Variants in AOPEP observed in about 807,000 individuals in gnomAD.
AOPEP encodes the protein aminopeptidase O (putative), also known as aminopeptidase O.
In AOPEP, 77 loss-of-function variants were observed where a neutral mutation model predicts 98.1. That is an observed-to-expected ratio of 0.78 (90% confidence interval 0.65 to 0.95). AOPEP has a LOEUF of 0.95. Ranked by LOEUF, AOPEP falls within the 40% of genes least tolerant of loss-of-function variation. The pLI is 0.00. For missense variants in AOPEP, 1,024 were observed against 1,024.7 expected, an observed-to-expected ratio of 1.00 and a Z score of 0.01; for synonymous variants, 346 against 365.3, an observed-to-expected ratio of 0.95 and a Z score of 0.60.
chr9:94,912,641 G>A (rs1275906409), intron 5 of AOPEP, among the ~76,000 whole-genome samples: 1 of 152,170 alleles, frequency 6.6e-6, no homozygotes, highest in Non-Finnish European at 1.5e-5. Flanking sequence ...TTCCCATGCT[G>A]CCTTAACAGC....
At chr9:95,064,168 G>C (rs1220754005) in intron 14 of AOPEP, among the ~76,000 whole-genome samples, 3 of 152,234 alleles carry the variant, frequency 2.0e-5, no homozygotes, top group East Asian at 3.9e-4. Flanking sequence ...TTCCAGGATA[G>C]AAAGGAAACT....
chr9:95,129,064 G>A, the AOPEP span, among the ~76,000 whole-genome samples: 2 of 151,896 alleles, frequency 1.3e-5, no homozygotes, highest in Non-Finnish European at 2.9e-5. Context: ...CACCACACCT[G>A]GCTAATTTTT....
the AOPEP span, among the ~76,000 whole-genome samples, chr9:95,139,132 G>A: frequency 4.6e-5 from 7 of 152,184 alleles, no homozygotes; most frequent in Non-Finnish European, 1.0e-4. Flanking sequence ...TCTGAACCAG[G>A]CTGGCTTTAA....
intron 5 of AOPEP, among the ~76,000 whole-genome samples, chr9:94,805,301 C>A (rs896555801): frequency 6.6e-6 from 1 of 152,030 alleles, no homozygotes; most frequent in Non-Finnish European, 1.5e-5. Context: ...ACACCTGGCA[C>A]CCAGACGGGC....
At chr9:95,127,206 G>A in the AOPEP span, 1 of 152,972 alleles carries the variant, frequency 6.5e-6, no homozygotes, top group Non-Finnish European at 1.5e-5. Flanking sequence ...TGAGTCTGCA[G>A]AAGCTGGCCT....
the AOPEP span, among the ~76,000 whole-genome samples, chr9:95,095,291 C>CT: frequency 1.3e-5 from 2 of 152,174 alleles, no homozygotes; most frequent in African/African-American, 2.4e-5. Context: ...GTTCCGCACT[C>CT]TGTCATCAGC....
At chr9:95,029,435 T>C (rs2064114471) in intron 13 of AOPEP, among the ~76,000 whole-genome samples, 1 of 152,078 alleles carries the variant, frequency 6.6e-6, no homozygotes, top group African/African-American at 2.4e-5. Flanking sequence ...CTCAGTAGGG[T>C]AAAGTTACTC....
At chr9:95,082,964 C>A in intron 16 of AOPEP, 1 of 505,608 alleles carries the variant, frequency 2.0e-6, no homozygotes, top group Non-Finnish European at 3.6e-6. Context: ...CACCTGGAGG[C>A]ACAGCGGCAC....
the AOPEP span, chr9:95,098,948 T>C: frequency 1.2e-5 from 2 of 173,200 alleles, no homozygotes; most frequent in Non-Finnish European, 2.5e-5. Context: ...CCTCGGTCTC[T>C]TCCAGGGCAC....
chr9:94,763,586 T>TA (rs1313157297), intron 2 of AOPEP, among the ~76,000 whole-genome samples: 1 of 152,182 alleles, frequency 6.6e-6, no homozygotes, highest in Non-Finnish European at 1.5e-5. Context: ...TAGTTTCTGA[T>TA]ACCATTTTCC....
intron 13 of AOPEP, among the ~76,000 whole-genome samples, chr9:95,026,366 C>T (rs765569040): frequency 1.8e-4 from 28 of 152,230 alleles, no homozygotes; most frequent in Non-Finnish European, 2.9e-4. Context: ...CCCCTCTCCT[C>T]ATCCCTAGGC....
At chr9:94,803,771 C>A (rs1415174530) in intron 5 of AOPEP, among the ~76,000 whole-genome samples, 2 of 152,172 alleles carry the variant, frequency 1.3e-5, no homozygotes, top group Non-Finnish European at 2.9e-5. Context: ...GGTCCTTTTC[C>A]AAATCACTGT....
chr9:95,110,584 A>T, the AOPEP span: 1 of 1,035,370 alleles, frequency 9.7e-7, no homozygotes, highest in Non-Finnish European at 1.2e-6. Flanking sequence ...AAAATCTAAA[A>T]CTATTTTTCT....
chr9:94,775,029 CT>C (rs1473558402), intron 3 of AOPEP, among the ~76,000 whole-genome samples: 3 of 151,896 alleles, frequency 2.0e-5, no homozygotes, highest in African/African-American at 7.3e-5. Flanking sequence ...TTTATTGGCT[CT>C]TTAAAAAAAG....
intron 5 of AOPEP, among the ~76,000 whole-genome samples, chr9:94,841,649 G>A (rs956489105): frequency 2.0e-5 from 3 of 152,128 alleles, no homozygotes; most frequent in South Asian, 2.1e-4. Context: ...ATTCACTTAC[G>A]TCAAAGGACA....
At chr9:95,142,216 T>C in the AOPEP span, among the ~76,000 whole-genome samples, 1 of 151,938 alleles carries the variant, frequency 6.6e-6, no homozygotes, top group African/African-American at 2.4e-5. Context: ...TGGTCTTAAA[T>C]TCCTGACCTC....
At chr9:94,827,442 ATG>A (rs1854886790) in intron 5 of AOPEP, among the ~76,000 whole-genome samples, 1 of 152,166 alleles carries the variant, frequency 6.6e-6, no homozygotes, top group African/African-American at 2.4e-5. Flanking sequence ...ACATTCTAAA[ATG>A]TTTGTTGTCT....
chr9:95,002,097 G>T (rs116173859), intron 11 of AOPEP, among the ~76,000 whole-genome samples: 9 of 151,994 alleles, frequency 5.9e-5, no homozygotes, highest in Non-Finnish European at 8.8e-5. Flanking sequence ...AAGTTACCCT[G>T]GCAATATAAC....
rs1347293409 is a variant in AOPEP, at chr9:94,980,210, A to AT, written c.1977+784dup. ...CCCTTCGCCAAATCAAATGCTGGCC[A>AT]TGGCAAGCCTAGGCCCTGGGAAGTC... On this transcript the variant is annotated intron_variant, in intron 11 of 16. Transcript: ENST00000375315. This position sits in a 1 kb window ranked among gnomAD's most constrained non-coding sequence, Gnocchi z 4.3. Among the ~76,000 whole-genome samples the AT allele has an allele frequency of 6.6e-6, 1 of 152,228 alleles. No homozygotes were observed. The highest frequency in any genetic ancestry group is 1.9e-4 in the East Asian group (1 of 5,194).
Sources: gnomAD v4.1 joint callset for allele counts (sites outside exome capture counted in the v4.1 genomes callset) on GRCh38, gnomAD v4.1.1 for gene constraint, Gnocchi (gnomAD v3.1) non-coding constraint, MANE v1.5 for transcripts, NCBI Gene and HGNC (gene_info 2026-07-23, HGNC 2026-07-21) for gene names.